Variants in LINGO2 observed in about 807,000 individuals in gnomAD.
The protein encoded by LINGO2 is leucine-rich repeat and immunoglobulin-like domain-containing nogo receptor-interacting protein 2.
In LINGO2, 14 loss-of-function variants were observed where a neutral mutation model predicts 30.6. That is an observed-to-expected ratio of 0.46 (90% confidence interval 0.30 to 0.72). The LOEUF is 0.72. Among genes scored for constraint, LINGO2 ranks in the 30% least tolerant of loss-of-function variants. The pLI is 0.07. For missense variants in LINGO2, 729 were observed against 751.7 expected (o/e 0.97, Z 0.35); for synonymous variants, 317 against 288.5 (o/e 1.10, Z -1.00).
chr9:28,229,475 A>G (rs890925900), intron 4 of LINGO2, among the ~76,000 whole-genome samples: 1 of 151,800 alleles, frequency 6.6e-6, no homozygotes, highest in Non-Finnish European at 1.5e-5. Context: ...ATGAAGAACA[A>G]GAGGAGGAGG....
At chr9:28,209,198 T>C (rs961082357) in intron 4 of LINGO2, among the ~76,000 whole-genome samples, 1 of 152,046 alleles carries the variant, frequency 6.6e-6, no homozygotes, top group Non-Finnish European at 1.5e-5. Flanking sequence ...CATTTTACGA[T>C]GACATTGACT....
chr9:28,980,284 C>G, the LINGO2 span, among the ~76,000 whole-genome samples: 2 of 152,106 alleles, frequency 1.3e-5, no homozygotes, highest in Non-Finnish European at 2.9e-5. Flanking sequence ...AGGCTTCTAA[C>G]TGATCTCCAT....
intron 4 of LINGO2, among the ~76,000 whole-genome samples, chr9:28,122,164 G>A (rs546952102): frequency 6.6e-6 from 1 of 152,220 alleles, no homozygotes; most frequent in Non-Finnish European, 1.5e-5. Flanking sequence ...AGCTTAAAAC[G>A]AAACATTCAA....
At chr9:29,202,620 C>A in the LINGO2 span, among the ~76,000 whole-genome samples, 1 of 152,120 alleles carries the variant, frequency 6.6e-6, no homozygotes, top group Admixed American at 6.5e-5. Context: ...TTATTACAGA[C>A]AAAACATATG....
At chr9:28,798,011 AAAGAT>A in the LINGO2 span, among the ~76,000 whole-genome samples, 1 of 152,156 alleles carries the variant, frequency 6.6e-6, no homozygotes, top group African/African-American at 2.4e-5. Flanking sequence ...TTAAAAAAGA[AAAGAT>A]AAGTGATCAC....
At chr9:28,600,477 A>G (rs1437533187) in intron 1 of LINGO2, among the ~76,000 whole-genome samples, 2 of 152,180 alleles carry the variant, frequency 1.3e-5, no homozygotes, top group Non-Finnish European at 2.9e-5. Flanking sequence ...CAAAAATGTC[A>G]TAAGCACTAT....
chr9:28,472,260 A>AAG (rs1410771549), intron 2 of LINGO2, among the ~76,000 whole-genome samples: 1 of 152,072 alleles, frequency 6.6e-6, no homozygotes, highest in Non-Finnish European at 1.5e-5. Flanking sequence ...CAGAAAACAG[A>AAG]AGAGACTAAA....
intron 1 of LINGO2, among the ~76,000 whole-genome samples, chr9:28,581,968 G>C (rs947507765): frequency 6.6e-6 from 1 of 151,808 alleles, no homozygotes; most frequent in Non-Finnish European, 1.5e-5. Context: ...ATAAACACAT[G>C]AACATTATCT....
chr9:28,187,148 T>C lies in LINGO2; in HGVS notation c.-87+108060A>G, dbSNP rs1819569684. On this transcript the variant is annotated intron_variant, in intron 4 of 5. Coordinates refer to ENST00000379992, the Ensembl canonical transcript of LINGO2. ...ACTAAAGGAAGTAAGAAAATGTGGG[T>C]ATATTTTAAAGATAGGGTTATCAGC... Among the ~76,000 whole-genome samples, 9 of 152,044 alleles carry C rather than the reference T, an allele frequency of 5.9e-5. No individual in the cohort carries two copies. The South Asian group carries it at 1.9e-3, about 32-fold the overall frequency.
At position 28,307,361 on chromosome 9, in the gene LINGO2, C is replaced by A. The variant is rs146311599; in HGVS notation, c.-245-11995G>T. Among the ~76,000 whole-genome samples the A allele has an allele frequency of 0.016, 2,429 of 152,106 alleles. 145 individuals carry two copies. The East Asian group carries it at 0.19, about 12-fold the overall frequency. On this transcript the variant is annotated intron_variant, in intron 3 of 5. Transcript: ENST00000379992. Reference sequence around the variant, plus strand: ...TTATCTCAATATATGCAGAAAAGGCCTTTGACAAAATTCAACAACCCTTCA... The same window carrying A: ...TTATCTCAATATATGCAGAAAAGGCATTTGACAAAATTCAACAACCCTTCA...
chr9:29,021,414 T>G, the LINGO2 span, among the ~76,000 whole-genome samples: 1 of 152,078 alleles, frequency 6.6e-6, no homozygotes, highest in Non-Finnish European at 1.5e-5. Context: ...ATCCCAGCAC[T>G]TTGGGAGGCG....
the LINGO2 span, among the ~76,000 whole-genome samples, chr9:29,124,231 C>A: frequency 1.3e-5 from 2 of 152,088 alleles, no homozygotes; most frequent in Non-Finnish European, 2.9e-5. Context: ...AAACTGGACC[C>A]CTTCTATTAC....
intron 4 of LINGO2, among the ~76,000 whole-genome samples, chr9:28,091,665 A>C (rs1826092814): frequency 6.6e-6 from 1 of 152,236 alleles, no homozygotes; most frequent in South Asian, 2.1e-4. Flanking sequence ...CTAAAACACC[A>C]AAAGCAATGG....
the LINGO2 span, among the ~76,000 whole-genome samples, chr9:28,679,135 C>T: frequency 2.6e-5 from 4 of 151,782 alleles, no homozygotes; most frequent in Non-Finnish European, 1.5e-5. Context: ...AAATTCTTGG[C>T]GGGTCATCTC....
At position 28,263,404 on chromosome 9, in the gene LINGO2, T is replaced by G. The variant is rs140634932; in HGVS notation, c.-87+31804A>C. Among the ~76,000 whole-genome samples the G allele has an allele frequency of 3.4e-3, 516 of 152,106 alleles. 1 individual carries two copies. The highest frequency in any genetic ancestry group is 5.4e-3 in the Non-Finnish European group (368 of 67,920). On this transcript the variant is annotated intron_variant, in intron 4 of 5. Coordinates refer to ENST00000379992, the Ensembl canonical transcript of LINGO2. ...ATAATGGCTGTAATATTCTATGATA[T>G]TCACAGGTACCACTCACACTAAAGA... is the stretch of plus-strand genomic sequence containing the variant.
At chr9:28,798,178 G>C in the LINGO2 span, among the ~76,000 whole-genome samples, 13 of 152,166 alleles carry the variant, frequency 8.5e-5, 1 homozygote, top group East Asian at 2.5e-3. Flanking sequence ...AAAAGATATA[G>C]GTTGGTAGTT....
chr9:28,688,157 C>T, the LINGO2 span, among the ~76,000 whole-genome samples: 1 of 152,142 alleles, frequency 6.6e-6, no homozygotes, highest in African/African-American at 2.4e-5. Flanking sequence ...CTACAGTAAA[C>T]ACTGTAAGGC....
rs542909666 is a variant in LINGO2 at position 28,505,046 on chromosome 9, T to G, written c.-364-29021A>C. Among the ~76,000 whole-genome samples the G allele has an allele frequency of 1.4e-4, 22 of 151,916 alleles. No homozygotes were observed. In the East Asian group the frequency reaches 4.1e-3, roughly 28 times the overall value. On this transcript the variant is annotated intron_variant, in intron 1 of 5. Coordinates refer to ENST00000379992, the Ensembl canonical transcript of LINGO2. ...ATTATGTGACTTGGTGTAAGCCAAT[T>G]TAAGAGGGATTTTGATGCCATGCTG...
intron 1 of LINGO2, among the ~76,000 whole-genome samples, chr9:28,494,050 C>T (rs1037789455): frequency 6.6e-6 from 1 of 151,806 alleles, no homozygotes; most frequent in Non-Finnish European, 1.5e-5. Flanking sequence ...TAGTTCTGTC[C>T]CTCTAGAGAA....
Sources: allele counts gnomAD v4.1 joint callset (sites outside exome capture counted in the v4.1 genomes callset), GRCh38; gene constraint gnomAD v4.1.1; transcripts MANE v1.5; gene names NCBI Gene and HGNC (gene_info 2026-07-23, HGNC 2026-07-21).